The following STARD13 variants were observed in gnomAD, a reference collection of about 807,000 sequenced individuals.
STARD13 encodes the protein stAR-related lipid transfer protein 13.
STARD13 carries 62 observed loss-of-function variants against 106.4 expected under a neutral mutation model. That is an observed-to-expected ratio of 0.58 (90% confidence interval 0.48 to 0.72). The LOEUF (loss-of-function observed/expected upper bound fraction) is 0.72, where lower values mean the gene tolerates loss of function less well. Ranked by LOEUF, STARD13 falls within the 30% of genes least tolerant of loss-of-function variation. STARD13 has a pLI of 0.00. For missense variants in STARD13, 1,387 were observed against 1,424.0 expected (o/e 0.97, Z 0.42); for synonymous variants, 565 against 553.0 (o/e 1.02, Z -0.31).
At position 33,322,366 on chromosome 13, in the gene STARD13, T is replaced by G. The variant is rs548298612; in HGVS notation, c.124+27924A>C. Reference sequence around the variant, plus strand: ...TCCTACAGGCTCAAGGAGCTCTCTGTTTTCACTGTCGTTTGTACCGTTCTC... The same window carrying G: ...TCCTACAGGCTCAAGGAGCTCTCTGGTTTCACTGTCGTTTGTACCGTTCTC... On this transcript the variant is annotated intron_variant, in intron 1 of 5. Coordinates refer to the STARD13 transcript ENST00000567873. Among the ~76,000 whole-genome samples, 50 of 152,326 alleles carry G rather than the reference T, an allele frequency of 3.3e-4. 1 individual carries two copies. The South Asian group carries it at 0.01, about 31-fold the overall frequency.
chr13:33,570,583 C>T, the STARD13 span, among the ~76,000 whole-genome samples: 1 of 128,018 alleles, frequency 7.8e-6, no homozygotes, highest in Non-Finnish European at 1.7e-5. Flanking sequence ...GCTTTTTGTT[C>T]AGTTTTGCTC....
intron 1 of STARD13, among the ~76,000 whole-genome samples, chr13:33,238,749 G>T (rs566093223): frequency 5.3e-5 from 8 of 152,022 alleles, no homozygotes; most frequent in Non-Finnish European, 1.2e-4. Context: ...AATAATAATA[G>T]CTAATGTGGA....
At position 33,349,974 on chromosome 13, in the gene STARD13, G is replaced by C. The variant is rs540799522; in HGVS notation, c.124+316C>G. 2.2e-3 allele frequency among the ~76,000 whole-genome samples: 337 copies of C among 152,328 alleles called. 3 individuals carry two copies. Among genetic ancestry groups the C allele is most frequent in the Middle Eastern group, 6.8e-3 (2 of 294 alleles). Reference sequence around the variant, plus strand: ...GTGGAATGGGATGGCAGCGGAGCAGGGGACAGCCTAGGCTAAAAGGCCGCC... The same window carrying C: ...GTGGAATGGGATGGCAGCGGAGCAGCGGACAGCCTAGGCTAAAAGGCCGCC... On this transcript the variant is annotated intron_variant, in intron 1 of 1. Coordinates refer to the STARD13 transcript ENST00000439831.
At chr13:33,592,305 A>G in the STARD13 span, among the ~76,000 whole-genome samples, 1 of 152,316 alleles carries the variant, frequency 6.6e-6, no homozygotes, top group Middle Eastern at 3.4e-3. Context: ...TTTAGTTTGT[A>G]TCAGTTTTCA....
intron 1 of STARD13, among the ~76,000 whole-genome samples, chr13:33,295,867 C>T (rs1052428223): frequency 1.3e-5 from 2 of 152,040 alleles, no homozygotes; most frequent in Non-Finnish European, 1.5e-5. Flanking sequence ...TGCATAAATA[C>T]TTTCCTATGT....
chr13:33,209,443 TTCTC>T (rs200338080), intron 1 of STARD13, among the ~76,000 whole-genome samples: 4 of 138,038 alleles, frequency 2.9e-5, no homozygotes, highest in African/African-American at 1.1e-4. Context: ...TGTCTGAATC[TTCTC>T]TCTCTCTCTC....
At chr13:33,471,061 T>C in the STARD13 span, among the ~76,000 whole-genome samples, 3 of 152,150 alleles carry the variant, frequency 2.0e-5, no homozygotes, top group African/African-American at 4.8e-5. Flanking sequence ...TTTTAGGTCT[T>C]ACATTTAAGT....
chr13:33,493,971 C>T, the STARD13 span, among the ~76,000 whole-genome samples: 1 of 152,172 alleles, frequency 6.6e-6, no homozygotes, highest in African/African-American at 2.4e-5. Flanking sequence ...GCGGGTTTCT[C>T]ATCAGACAGA....
chr13:33,396,870 A>G, the STARD13 span, among the ~76,000 whole-genome samples: 3 of 152,230 alleles, frequency 2.0e-5, no homozygotes, highest in Admixed American at 6.5e-5. Context: ...GGTTAGCCCT[A>G]TAATCACCCC....
intron 1 of STARD13, among the ~76,000 whole-genome samples, chr13:33,312,275 C>T (rs1209199888): frequency 6.6e-6 from 1 of 152,164 alleles, no homozygotes; most frequent in Non-Finnish European, 1.5e-5. Context: ...CGTTATGTTC[C>T]TGTTCCTCTT....
At chr13:33,166,536 T>C (rs1000065589) in intron 2 of STARD13, among the ~76,000 whole-genome samples, 3 of 152,204 alleles carry the variant, frequency 2.0e-5, no homozygotes, top group African/African-American at 7.2e-5. Flanking sequence ...CAATGAGCAC[T>C]GTTAGAAACA....
the STARD13 span, among the ~76,000 whole-genome samples, chr13:33,361,118 A>G: frequency 6.6e-6 from 1 of 150,820 alleles, no homozygotes; most frequent in African/African-American, 2.4e-5. Context: ...ATTTTTTTTC[A>G]AAAACAGTTA....
intron 1 of STARD13, among the ~76,000 whole-genome samples, chr13:33,309,520 GCA>G (rs1893052351): frequency 6.6e-6 from 1 of 152,316 alleles, no homozygotes; most frequent in African/African-American, 2.4e-5. Context: ...CACTTTCAAA[GCA>G]CAGAGTTCGC....
intron 3 of STARD13, among the ~76,000 whole-genome samples, chr13:33,164,822 G>T (rs75458194): frequency 0.026 from 3,885 of 152,116 alleles, 89 homozygotes; most frequent in African/African-American, 0.062. Flanking sequence ...GGCCAGTTTG[G>T]TGCTACAATT....
chr13:33,467,799 AT>A, the STARD13 span, among the ~76,000 whole-genome samples: 6 of 152,158 alleles, frequency 3.9e-5, no homozygotes, highest in African/African-American at 1.4e-4. Flanking sequence ...TGGTATATAT[AT>A]TTGATATTAT....
chr13:33,389,121 A>G, the STARD13 span, among the ~76,000 whole-genome samples: 1 of 151,174 alleles, frequency 6.6e-6, no homozygotes, highest in East Asian at 1.9e-4. Context: ...ACGTCTGGCT[A>G]ATTTTTTTGT....
intron 1 of STARD13, among the ~76,000 whole-genome samples, chr13:33,232,047 T>C (rs1167593484): frequency 6.6e-6 from 1 of 152,218 alleles, no homozygotes; most frequent in Non-Finnish European, 1.5e-5. Flanking sequence ...GCATGGTGGC[T>C]CATGCCTGTA....
In STARD13 at chr13:33,106,845, C is replaced by T. The variant is rs758915649; in HGVS notation, c.3137G>A (p.Arg1046Gln). Residue 1046 changes from arginine (R) to glutamine (Q), a missense_variant, in exon 13 of 14, where the codon CGA (arginine) becomes CAA (glutamine). By Grantham distance (43) the Arg-to-Gln change is conservative (BLOSUM62 1). Coordinates refer to ENST00000336934, the MANE Select transcript of STARD13 (RefSeq NM_178006.4). Reference protein sequence around the residue: ...HEEAQLLGGVRAVVMDSQYLI... With the variant: ...HEEAQLLGGVQAVVMDSQYLI... ...GTACTGCGAGTCCATCACCACTGCTCGCACACCACCCAGGAGCTGGGCTTC... is the reference window on the plus strand; with the variant it reads ...GTACTGCGAGTCCATCACCACTGCTTGCACACCACCCAGGAGCTGGGCTTC... The T allele has an allele frequency of 3.7e-6, 6 of 1,614,176 alleles. No individual in the cohort carries two copies. The highest frequency in any genetic ancestry group is 2.2e-5 in the South Asian group (2 of 91,074).
chr13:33,302,216 G>C (rs1461364297), intron 1 of STARD13, among the ~76,000 whole-genome samples: 3 of 152,158 alleles, frequency 2.0e-5, no homozygotes, highest in Non-Finnish European at 4.4e-5. Flanking sequence ...ACTGTACTAA[G>C]AGACTCTAAA....
Sources: allele counts gnomAD v4.1 joint callset (sites outside exome capture counted in the v4.1 genomes callset), GRCh38; gene constraint gnomAD v4.1.1; transcripts MANE v1.5; gene names NCBI Gene and HGNC (gene_info 2026-07-23, HGNC 2026-07-21).